The following GBE1 variants were observed in gnomAD, a reference collection of about 807,000 sequenced individuals.
GBE1 encodes the protein 1,4-alpha-glucan branching enzyme 1, also known as 1,4-alpha-glucan-branching enzyme.
A neutral mutation model predicts 88.8 loss-of-function variants in GBE1; 70 were observed. The ratio of observed to expected loss-of-function variants is 0.79; its 90% CI spans 0.65 to 0.96. The LOEUF is 0.96. Ranked by LOEUF, GBE1 falls within the 40% of genes least tolerant of loss-of-function variation. The pLI is 0.00. For synonymous variants in GBE1, 284 were observed against 300.1 expected (o/e 0.95, Z 0.56); for missense variants, 872 against 871.0 (o/e 1.00, Z -0.01).
At chr3:81,507,188 A>C (rs1201449235) in intron 14 of GBE1, among the ~76,000 whole-genome samples, 2 of 151,664 alleles carry the variant, frequency 1.3e-5, no homozygotes, top group Admixed American at 1.3e-4. Context: ...TTTTTTTTTA[A>C]TCTCCCTGAC....
intron 14 of GBE1, among the ~76,000 whole-genome samples, chr3:81,501,017 C>A (rs1702579098): frequency 6.6e-6 from 1 of 152,054 alleles, no homozygotes; most frequent in Non-Finnish European, 1.5e-5. Flanking sequence ...ATGCTTATTA[C>A]CTGGGTGACA....
chr3:81,529,876 C>T (rs746718499), intron 14 of GBE1, among the ~76,000 whole-genome samples: 4 of 151,754 alleles, frequency 2.6e-5, no homozygotes, highest in African/African-American at 4.8e-5. Flanking sequence ...GAAAGTTCTC[C>T]GTTACTATCT....
intron 15 of GBE1, 143 bp downstream of exon 15, chr3:81,498,967 G>C: frequency 1.7e-6 from 1 of 602,910 alleles, no homozygotes. Flanking sequence ...ATCTGGCCAA[G>C]CGTAGTCCCC....
intron 1 of GBE1, among the ~76,000 whole-genome samples, chr3:81,720,528 C>T (rs1199023320): frequency 2.6e-5 from 4 of 152,036 alleles, no homozygotes; most frequent in African/African-American, 9.7e-5. Flanking sequence ...CCTCCATTAC[C>T]TATTTTATTC....
At chr3:81,563,956 A>G (rs1240939347) in intron 12 of GBE1, among the ~76,000 whole-genome samples, 1 of 151,450 alleles carries the variant, frequency 6.6e-6, no homozygotes, top group Non-Finnish European at 1.5e-5. Flanking sequence ...GAAGGAAGGA[A>G]GGAAGGAACG....
chr3:81,602,760 T>C (rs1704050367), intron 7 of GBE1, among the ~76,000 whole-genome samples: 1 of 152,226 alleles, frequency 6.6e-6, no homozygotes, highest in Non-Finnish European at 1.5e-5. Flanking sequence ...TTTTTCTTTA[T>C]GTGTTAATTT....
At chr3:81,750,356 A>C (rs541047058) in intron 1 of GBE1, among the ~76,000 whole-genome samples, 1 of 151,388 alleles carries the variant, frequency 6.6e-6, no homozygotes, top group African/African-American at 2.4e-5. Flanking sequence ...TCATGCTTTA[A>C]AGACTTAGCA....
At chr3:81,695,170 C>T (rs923887414) in intron 2 of GBE1, among the ~76,000 whole-genome samples, 3 of 152,180 alleles carry the variant, frequency 2.0e-5, no homozygotes, top group Non-Finnish European at 2.9e-5. Flanking sequence ...CTCAATTTCA[C>T]GGCCACTGAA....
intron 1 of GBE1, among the ~76,000 whole-genome samples, chr3:81,752,622 G>A (rs1396990505): frequency 6.6e-6 from 1 of 152,058 alleles, no homozygotes; most frequent in African/African-American, 2.4e-5. Context: ...ATAGTAAACT[G>A]GCAATTTCTT....
At chr3:81,616,535 G>A (rs983174855) in intron 7 of GBE1, among the ~76,000 whole-genome samples, 2 of 152,050 alleles carry the variant, frequency 1.3e-5, no homozygotes, top group African/African-American at 4.8e-5. Flanking sequence ...TTTCTGGGTT[G>A]TCTATTCTGT....
At chr3:81,551,571 TACC>T (rs1000891036) in intron 12 of GBE1, among the ~76,000 whole-genome samples, 1 of 152,168 alleles carries the variant, frequency 6.6e-6, no homozygotes, top group African/African-American at 2.4e-5. Flanking sequence ...TCCTCTCATC[TACC>T]TATGACCTGG....
At chr3:81,520,800 T>TA (rs1249676867) in intron 14 of GBE1, among the ~76,000 whole-genome samples, 1 of 151,596 alleles carries the variant, frequency 6.6e-6, no homozygotes, top group African/African-American at 2.4e-5. Context: ...GATTAGCAGC[T>TA]AAAAAGACAA....
At position 81,750,551 on chromosome 3, in the gene GBE1, GTATATATATA is replaced by G. The variant is rs770974468; in HGVS notation, c.143+10814_143+10823del. On this transcript the variant is annotated intron_variant, in intron 1 of 15. Transcript: ENST00000429644. ...TATATATATATACGTATATATATAT[GTATATATATA>G]TGTATATATATATACGTATATATAT... Among the ~76,000 whole-genome samples the G allele has an allele frequency of 2.3e-4, 12 of 52,324 alleles. 2 individuals are homozygous for G. The highest frequency in any genetic ancestry group is 9.2e-4 in the African/African-American group (8 of 8,710). The allele number at this position is 52,324 out of a possible 152,430, so 34.3% of individuals were successfully genotyped here. A position where few individuals can be genotyped will look rare whatever the true frequency, so the allele number is the denominator to read the frequency against.
chr3:81,644,635 C>T lies in GBE1; in HGVS notation c.783-1645G>A, dbSNP rs1250628141. Among the ~76,000 whole-genome samples the T allele has an allele frequency of 5.9e-5, 9 of 152,168 alleles. No individual in the cohort carries two copies. The East Asian group carries it at 1.4e-3, about 23-fold the overall frequency. On this transcript the variant is annotated intron_variant, in intron 6 of 15. Transcript: ENST00000429644. ...TTCATTACGGTTCTGGGCAAAAGAGCGACATGATCTGACTTTAATTTTTAA... is the reference window on the plus strand; with the variant it reads ...TTCATTACGGTTCTGGGCAAAAGAGTGACATGATCTGACTTTAATTTTTAA...
At chr3:81,704,662 G>C (rs142402840) in intron 2 of GBE1, among the ~76,000 whole-genome samples, 2,215 of 152,150 alleles carry the variant, frequency 0.015, 41 homozygotes, top group Middle Eastern at 0.041. Context: ...TGATCATTTT[G>C]ATATTCCTTT....
intron 2 of GBE1, among the ~76,000 whole-genome samples, chr3:81,683,730 G>C (rs2107134064): frequency 6.6e-6 from 1 of 152,246 alleles, no homozygotes; most frequent in South Asian, 2.1e-4. Flanking sequence ...TAAATGTTTT[G>C]CTATCCAGAC....
intron 7 of GBE1, among the ~76,000 whole-genome samples, chr3:81,601,482 T>C (rs1704031875): frequency 6.6e-6 from 1 of 152,166 alleles, no homozygotes; most frequent in Non-Finnish European, 1.5e-5. Context: ...ATAATTTTAA[T>C]ATGTGGTCAT....
intron 2 of GBE1, among the ~76,000 whole-genome samples, chr3:81,676,165 T>C (rs547275969): frequency 6.6e-6 from 1 of 152,236 alleles, no homozygotes; most frequent in South Asian, 2.1e-4. Flanking sequence ...AACAGCAGCA[T>C]ATTAGTAGTT....
At chr3:81,553,891 T>C (rs1293252642) in intron 12 of GBE1, among the ~76,000 whole-genome samples, 2 of 152,148 alleles carry the variant, frequency 1.3e-5, no homozygotes, top group African/African-American at 2.4e-5. Flanking sequence ...CATGTTGCTA[T>C]TCAAACTTTG....
Sources: allele counts gnomAD v4.1 joint callset (sites outside exome capture counted in the v4.1 genomes callset), GRCh38; gene constraint gnomAD v4.1.1; transcripts MANE v1.5; gene names NCBI Gene and HGNC (gene_info 2026-07-23, HGNC 2026-07-21).